Variants in TNRC6A observed in about 807,000 individuals in gnomAD.
TNRC6A encodes trinucleotide repeat containing adaptor 6A.
TNRC6A carries 44 observed loss-of-function variants against 221.2 expected under a neutral mutation model. The observed-to-expected ratio is 0.20, with a 90% CI of 0.16 to 0.26. The LOEUF is 0.26. Among genes scored for constraint, TNRC6A ranks in the 10% least tolerant of loss-of-function variants. TNRC6A has a pLI of 1.00. For synonymous variants in TNRC6A, 847 were observed against 838.5 expected (o/e 1.01, Z -0.18); for missense variants, 2,199 against 2,404.4 (o/e 0.91, Z 1.79).
At position 24,791,006 on chromosome 16, in the gene TNRC6A, T is replaced by C. The variant is rs1215865045; in HGVS notation, c.2364T>C (p.Pro788=). The C allele has an allele frequency of 6.3e-7, 1 of 1,591,888 alleles. No individual in the cohort carries two copies. The highest frequency in any genetic ancestry group is 8.6e-7 in the Non-Finnish European group (1 of 1,169,160). ...TATCAGGGTGGGGCGATCCCAAACC[T>C]GCTCTGAGGTGGGGAGATTCCAAAG... The part of the protein sequence containing the change: ...SSVSGWGDPK[P]ALRWGDSKGS... Residue 788 remains proline, a synonymous_variant, in exon 6 of 25, where the codon CCT becomes CCC. Coordinates refer to ENST00000395799, the MANE Select transcript of TNRC6A (RefSeq NM_014494.4).
At chr16:24,685,654 G>C (rs2055612333) in intron 2 of TNRC6A, among the ~76,000 whole-genome samples, 1 of 152,108 alleles carries the variant, frequency 6.6e-6, no homozygotes, top group South Asian at 2.1e-4. Context: ...GTATTATTCA[G>C]CACAATGATC....
chr16:24,800,774 G>C (rs2058315950), intron 11 of TNRC6A, among the ~76,000 whole-genome samples: 1 of 152,134 alleles, frequency 6.6e-6, no homozygotes, highest in Non-Finnish European at 1.5e-5. Flanking sequence ...GGGAATGCTG[G>C]GAGAAGCTCC....
At chr16:24,777,593 A>G (rs2057753189) in intron 5 of TNRC6A, among the ~76,000 whole-genome samples, 1 of 152,172 alleles carries the variant, frequency 6.6e-6, no homozygotes, top group South Asian at 2.1e-4. Context: ...GCCCATTTTA[A>G]TAAGGAGCTT....
rs1164188908 is a variant in TNRC6A at position 24,790,123 on chromosome 16, A to G, written c.1481A>G (p.Gln494Arg). ...RVSTMNHPQM[Q>R]APSGMNGTSL... Reference sequence around the variant, plus strand: ...AGCACAATGAATCATCCTCAGATGCAGGCTCCATCAGGTATGAATGGCACT... The same window carrying G: ...AGCACAATGAATCATCCTCAGATGCGGGCTCCATCAGGTATGAATGGCACT... Residue 494 changes from glutamine to arginine, a missense_variant, in exon 6 of 25, where the codon CAG becomes CGG. Coordinates refer to ENST00000395799, the MANE Select transcript of TNRC6A (RefSeq NM_014494.4). The G allele has an allele frequency of 6.2e-7, 1 of 1,614,208 alleles. No individual in the cohort carries two copies. Among genetic ancestry groups the G allele is most frequent in the Admixed American group, 1.7e-5 (1 of 60,034 alleles).
chr16:24,666,055 G>A (rs1453017092), intron 2 of TNRC6A, among the ~76,000 whole-genome samples: 3 of 152,080 alleles, frequency 2.0e-5, no homozygotes, highest in African/African-American at 4.8e-5. Context: ...TGCCAGGAGC[G>A]GTGGATCACG....
intron 1 of TNRC6A, among the ~76,000 whole-genome samples, chr16:24,639,628 GT>G (rs1176334279): frequency 3.3e-5 from 5 of 152,182 alleles, no homozygotes; most frequent in Admixed American, 3.3e-4. Flanking sequence ...CTAAATACCT[GT>G]TGTACCAGCC....
chr16:24,650,629 T>C (rs946030403), intron 2 of TNRC6A, among the ~76,000 whole-genome samples: 7 of 150,696 alleles, frequency 4.6e-5, no homozygotes, highest in Admixed American at 3.3e-4. Context: ...TATGCCACTA[T>C]ACTTGAGCCT....
chr16:24,763,592 A>G (rs750575166), intron 4 of TNRC6A, among the ~76,000 whole-genome samples: 1 of 152,234 alleles, frequency 6.6e-6, no homozygotes, highest in Non-Finnish European at 1.5e-5. Context: ...ATACTTACGT[A>G]ATAATCCATT....
chr16:24,722,806 G>C (rs145303925), intron 2 of TNRC6A, among the ~76,000 whole-genome samples: 1 of 152,308 alleles, frequency 6.6e-6, no homozygotes, highest in Non-Finnish European at 1.5e-5. Context: ...AATCTTTGGA[G>C]TTTTAGGGGT....
intron 11 of TNRC6A, 198 bp downstream of exon 11, chr16:24,798,164 C>T (rs777366981): frequency 3.1e-5 from 13 of 413,258 alleles, no homozygotes; most frequent in Non-Finnish European, 4.3e-5. Flanking sequence ...TGATATTAGT[C>T]TGATTACTTT....
chr16:24,688,795 C>A (rs1266927895), intron 2 of TNRC6A, among the ~76,000 whole-genome samples: 1 of 152,190 alleles, frequency 6.6e-6, no homozygotes, highest in Non-Finnish European at 1.5e-5. Flanking sequence ...AAGGGAAATG[C>A]ACCCAGAGTC....
At chr16:24,730,521 G>A (rs1266072540) in intron 2 of TNRC6A, among the ~76,000 whole-genome samples, 2 of 149,160 alleles carry the variant, frequency 1.3e-5, no homozygotes, top group Non-Finnish European at 3.0e-5. Flanking sequence ...AAAGCGCAAA[G>A]CAATTCTTGT....
At chr16:24,725,499 T>G (rs996715151), upstream of TNRC6A, among the ~76,000 whole-genome samples, 2 of 151,886 alleles carry the variant, frequency 1.3e-5, no homozygotes, top group African/African-American at 2.4e-5. Flanking sequence ...AATGTAACCA[T>G]AAATGTAACC....
intron 2 of TNRC6A, among the ~76,000 whole-genome samples, chr16:24,654,886 A>G (rs182548091): frequency 1.3e-5 from 2 of 152,324 alleles, no homozygotes; most frequent in South Asian, 2.1e-4. Context: ...TCTGGACAGA[A>G]TATTATTTCA....
chr16:24,770,635 C>G (rs998459754), intron 4 of TNRC6A, among the ~76,000 whole-genome samples: 2 of 152,166 alleles, frequency 1.3e-5, no homozygotes, highest in African/African-American at 4.8e-5. Flanking sequence ...TCCCGTCACT[C>G]TGGCAGTTAT....
chr16:24,696,475 A>G (rs2055863987), intron 2 of TNRC6A, among the ~76,000 whole-genome samples: 1 of 151,888 alleles, frequency 6.6e-6, no homozygotes. Flanking sequence ...TTACGCCTGT[A>G]ATCCTAGTAC....
intron 4 of TNRC6A, among the ~76,000 whole-genome samples, chr16:24,771,127 G>A (rs548775568): frequency 1.3e-5 from 2 of 152,262 alleles, no homozygotes; most frequent in East Asian, 3.9e-4. Context: ...ATTTTGTTAT[G>A]GAAAATAGAA....
chr16:24,794,558 C>G lies in TNRC6A; in HGVS notation c.3367C>G (p.Gln1123Glu), dbSNP rs1411411134. 1.2e-6 allele frequency: 2 copies of G among 1,610,990 alleles called. No individual in the cohort carries two copies. Among genetic ancestry groups the G allele is most frequent in the East Asian group, 2.2e-5 (1 of 44,854 alleles). The change falls in exon 8 of 25, where the codon CAA (glutamine) becomes GAA (glutamate). Residue 1123 changes from glutamine (Q) to glutamate (E), a missense_variant. By Grantham distance (29) the Gln-to-Glu change is conservative. This residue lies in a region of TNRC6A where 1,405 missense variants were observed against 1,400.2 expected (regional missense o/e 1.00). Coordinates refer to ENST00000395799, the MANE Select transcript of TNRC6A (RefSeq NM_014494.4). ...TCCACAATCAGGGCCAAAATCTATG[C>G]AAGATGGCTGGTGTGGTGATGATAT... ...ALSKSGPKSM[Q>E]DGWCGDDMPL... is the part of the protein sequence containing the mutation.
intron 11 of TNRC6A, among the ~76,000 whole-genome samples, chr16:24,800,926 C>G (rs2058319034): frequency 6.6e-6 from 1 of 152,138 alleles, no homozygotes; most frequent in African/African-American, 2.4e-5. Context: ...AGCCTCAGTA[C>G]CAGCTGGCTA....
Sources: allele counts gnomAD v4.1 joint callset (sites outside exome capture counted in the v4.1 genomes callset), GRCh38; gene constraint gnomAD v4.1.1; regional missense constraint gnomAD v4.1.1; transcripts MANE v1.5; gene names NCBI Gene and HGNC (gene_info 2026-07-23, HGNC 2026-07-21).